ESRRG: variants seen among roughly 807,000 people sequenced by gnomAD.
ESRRG encodes estrogen related receptor gamma.
A neutral mutation model predicts 44.0 loss-of-function variants in ESRRG; 13 were observed. The observed-to-expected ratio is 0.30, with a 90% confidence interval of 0.19 to 0.47. The LOEUF (loss-of-function observed/expected upper bound fraction) is 0.47. ESRRG is among the 20% of genes least tolerant of loss of function. The pLI is 1.00. For synonymous variants in ESRRG, 215 were observed against 214.6 expected, an observed-to-expected ratio of 1.00 and a Z score of -0.02; for missense variants, 395 against 580.6, an observed-to-expected ratio of 0.68 and a Z score of 3.29.
intron 1 of ESRRG, among the ~76,000 whole-genome samples, chr1:217,136,870 C>A (rs888040568): frequency 3.3e-5 from 5 of 152,146 alleles, no homozygotes; most frequent in African/African-American, 9.7e-5. Flanking sequence ...AAACCAGGGT[C>A]AATAGGACGA....
At position 216,507,199 on chromosome 1, in the gene ESRRG, A is replaced by G; in HGVS notation, c.1133-16T>C. 6.4e-7 allele frequency: 1 copy of G among 1,556,564 alleles called. No homozygotes were observed. ...TGCATGGAGTCTGTGCAATGAAGCA[A>G]AAGATATGAGTAATTATAATAATAA... is the stretch of plus-strand genomic sequence containing the variant. On this transcript the variant is annotated splice_polypyrimidine_tract_variant and intron_variant, in intron 6 of 6. Transcript: ENST00000408911.
At chr1:216,523,490 G>GTTTTTTTTTTTTTTTTTTTTTTTT (rs749747909) in intron 5 of ESRRG, among the ~76,000 whole-genome samples, 2 of 126,328 alleles carry the variant, frequency 1.6e-5, no homozygotes, top group Non-Finnish European at 3.3e-5. Context: ...ATCAAGCACT[G>GTTTTTTTTTTTTTTTTTTTTTTTT]TTTTTTTTTT....
intron 3 of ESRRG, among the ~76,000 whole-genome samples, chr1:216,604,534 C>T (rs974560944): frequency 6.6e-6 from 1 of 152,112 alleles, no homozygotes; most frequent in African/African-American, 2.4e-5. Flanking sequence ...AATCCCAGCC[C>T]CCCATATCAC....
chr1:216,939,343 C>CAAAAAAAAA (rs201260010), intron 2 of ESRRG, among the ~76,000 whole-genome samples: 1,352 of 49,812 alleles, frequency 0.027, 172 homozygotes, highest in Non-Finnish European at 0.039. Flanking sequence ...TACACATAGA[C>CAAAAAAAAA]AAAAAAAAAA....
chr1:217,046,654 C>A (rs2084930874), intron 1 of ESRRG, among the ~76,000 whole-genome samples: 1 of 152,082 alleles, frequency 6.6e-6, no homozygotes, highest in East Asian at 1.9e-4. Context: ...GAGGCCAGTG[C>A]AGGAGGATCT....
At chr1:216,675,164 C>T (rs1458290827) in intron 2 of ESRRG, among the ~76,000 whole-genome samples, 1 of 151,798 alleles carries the variant, frequency 6.6e-6, no homozygotes, top group African/African-American at 2.4e-5. Context: ...AGTTCGAGAC[C>T]AGCCTGGCCA....
intron 1 of ESRRG, among the ~76,000 whole-genome samples, chr1:217,131,789 G>A (rs908747162): frequency 2.6e-5 from 4 of 152,176 alleles, no homozygotes; most frequent in African/African-American, 9.7e-5. Flanking sequence ...AGACCTAATA[G>A]AAAAGTATCA....
chr1:217,060,551 T>C (rs938278661), intron 1 of ESRRG, among the ~76,000 whole-genome samples: 1 of 152,032 alleles, frequency 6.6e-6, no homozygotes, highest in African/African-American at 2.4e-5. Context: ...GCTATACAAG[T>C]AGTGTCAGGC....
At chr1:216,941,900 T>C (rs2065284828) in intron 1 of ESRRG, among the ~76,000 whole-genome samples, 1 of 152,026 alleles carries the variant, frequency 6.6e-6, no homozygotes, top group African/African-American at 2.4e-5. Flanking sequence ...AAACAACCAG[T>C]TTTATTTTGT....
intron 1 of ESRRG, among the ~76,000 whole-genome samples, chr1:217,137,362 G>GA (rs1299220111): frequency 1.3e-5 from 2 of 152,100 alleles, no homozygotes; most frequent in African/African-American, 2.4e-5. Flanking sequence ...GGAAAGAGTG[G>GA]AAAAATGCAG....
intron 1 of ESRRG, among the ~76,000 whole-genome samples, chr1:216,981,700 A>AACAC (rs10535630): frequency 6.0e-5 from 9 of 151,184 alleles, no homozygotes; most frequent in African/African-American, 2.2e-4. Flanking sequence ...TAAAGAGTTA[A>AACAC]ACACACACAC....
chr1:216,734,867 AT>A (rs2089557314), intron 2 of ESRRG, among the ~76,000 whole-genome samples: 1 of 148,304 alleles, frequency 6.7e-6, no homozygotes, highest in African/African-American at 2.5e-5. Flanking sequence ...CTGTAAATAA[AT>A]TTTTAAAAAA....
intron 2 of ESRRG, among the ~76,000 whole-genome samples, chr1:216,675,408 A>G (rs2075925724): frequency 6.6e-6 from 1 of 152,166 alleles, no homozygotes; most frequent in African/African-American, 2.4e-5. Flanking sequence ...CTCTATGTAC[A>G]CATAAAGGGT....
intron 1 of ESRRG, among the ~76,000 whole-genome samples, chr1:217,062,152 C>T (rs1280915057): frequency 6.6e-6 from 1 of 152,058 alleles, no homozygotes; most frequent in East Asian, 1.9e-4. Context: ...AATGGATTCC[C>T]GAGACACCCC....
intron 1 of ESRRG, among the ~76,000 whole-genome samples, chr1:216,721,825 T>C (rs1538527): frequency 0.99 from 150,778 of 152,332 alleles, 74,641 homozygotes; most frequent in Middle Eastern, 1. Flanking sequence ...GCGGGCAGTC[T>C]TACCTTTGTT....
intron 2 of ESRRG, among the ~76,000 whole-genome samples, chr1:216,869,987 T>C (rs1364983735): frequency 6.6e-6 from 1 of 151,976 alleles, no homozygotes; most frequent in Non-Finnish European, 1.5e-5. Context: ...AAGTCGCCTG[T>C]GTTTTATTTA....
chr1:217,096,707 C>T (rs1217930388), intron 1 of ESRRG, among the ~76,000 whole-genome samples: 1 of 140,650 alleles, frequency 7.1e-6, no homozygotes, highest in Non-Finnish European at 1.6e-5. Context: ...AGGTTAATCT[C>T]TCCTTTGTCT....
At chr1:216,509,541 A>T (rs2042127986) in intron 6 of ESRRG, among the ~76,000 whole-genome samples, 1 of 152,136 alleles carries the variant, frequency 6.6e-6, no homozygotes. Context: ...TGCCTTTCCC[A>T]CTACTCTTGC....
intron 1 of ESRRG, among the ~76,000 whole-genome samples, chr1:216,698,193 T>C (rs1247504952): frequency 6.6e-6 from 1 of 152,196 alleles, no homozygotes; most frequent in Non-Finnish European, 1.5e-5. Context: ...TGGCCAATGT[T>C]ACATATTAGC....
Sources: allele counts gnomAD v4.1 joint callset (sites outside exome capture counted in the v4.1 genomes callset), GRCh38; gene constraint gnomAD v4.1.1; transcripts MANE v1.5; gene names NCBI Gene and HGNC (gene_info 2026-07-23, HGNC 2026-07-21).